Variants in MGAM observed in about 807,000 individuals in gnomAD.
MGAM encodes maltase-glucoamylase.
Under a neutral mutation model 358.8 loss-of-function variants are expected in MGAM, and 253 were observed. That is an observed-to-expected ratio of 0.71 (90% CI 0.64 to 0.78). The LOEUF is 0.78. Among genes scored for constraint, MGAM ranks in the 30% least tolerant of loss-of-function variants. The pLI is 0.00. For synonymous variants in MGAM, 1,105 were observed against 1,227.1 expected (o/e 0.90, Z 2.08); for missense variants, 3,080 against 3,432.6 (o/e 0.90, Z 2.57).
At chr7:142,010,265 T>C (rs1268012948) in intron 3 of MGAM, among the ~76,000 whole-genome samples, 1 of 152,114 alleles carries the variant, frequency 6.6e-6, no homozygotes, top group Non-Finnish European at 1.5e-5. Flanking sequence ...TAACTCTAGT[T>C]CGGATCTTTA....
At chr7:142,048,370 G>A (rs562513047) in intron 22 of MGAM, among the ~76,000 whole-genome samples, 194 of 151,664 alleles carry the variant, frequency 1.3e-3, no homozygotes, top group African/African-American at 4.3e-3. Context: ...GGATGATCTC[G>A]ATCTCCTAAA....
In MGAM at chr7:142,023,438, T is replaced by C. The variant is rs568005117; in HGVS notation, c.882+999T>C. On this transcript the variant is annotated intron_variant, in intron 7 of 70. Coordinates refer to ENST00000475668, the MANE Select transcript of MGAM (RefSeq NM_001365693.1). ...AGCAATAATTTATTAGTCATATATA[T>C]ATATATATACACACACACACACATA... is the stretch of plus-strand genomic sequence containing the variant. 1.3e-4 allele frequency among the ~76,000 whole-genome samples: 19 copies of C among 151,920 alleles called. No individual in the cohort carries two copies. The South Asian group carries it at 3.9e-3, about 32-fold the overall frequency.
chr7:142,038,185 G>A (rs189579771), intron 18 of MGAM, among the ~76,000 whole-genome samples: 4 of 152,168 alleles, frequency 2.6e-5, no homozygotes, highest in Non-Finnish European at 4.4e-5. Context: ...TTCATGTAAC[G>A]TAATGATCTC....
At chr7:142,053,570 T>C (rs1811221685) in intron 26 of MGAM, among the ~76,000 whole-genome samples, 1 of 152,176 alleles carries the variant, frequency 6.6e-6, no homozygotes, top group Non-Finnish European at 1.5e-5. Flanking sequence ...CTTTCCAGAA[T>C]TTAATTGCAT....
Position 142,080,864 on chromosome 7 carries a change from C to G in MGAM, c.5921C>G (p.Pro1974Arg). The change falls in exon 50 of 71, where the codon CCT (proline) becomes CGT (arginine). Residue 1974 changes from proline to arginine, a missense_variant. Transcript: ENST00000475668. ...LNIPSVPSST[P>R]EGQLYDVLIK... ...ATACCCAGCGTGCCATCCAGCACCC[C>G]TGAGGGTCAACTCTATGATGTCCTC... The G allele has an allele frequency of 6.4e-7, 1 of 1,556,630 alleles. No homozygotes were observed. The highest frequency in any genetic ancestry group is 8.8e-7 in the Non-Finnish European group (1 of 1,132,604).
At chr7:142,094,968 T>C in intron 63 of MGAM, 105 bp downstream of exon 63, 1 of 1,235,982 alleles carries the variant, frequency 8.1e-7, no homozygotes, top group South Asian at 1.5e-5. Flanking sequence ...TTAAAATTTT[T>C]TTTTTTTTTC....
chr7:141,990,659 T>C (rs1803906141), intron 2 of MGAM, among the ~76,000 whole-genome samples: 1 of 152,098 alleles, frequency 6.6e-6, no homozygotes, highest in African/African-American at 2.4e-5. Context: ...GTTATTTCTT[T>C]TTTTTTATGT....
intron 19 of MGAM, among the ~76,000 whole-genome samples, chr7:142,039,361 A>G (rs1490937405): frequency 2.6e-5 from 4 of 151,922 alleles, no homozygotes; most frequent in Non-Finnish European, 5.9e-5. Flanking sequence ...CTCAGCCTCC[A>G]AAGTGCTGAG....
rs190538946 is a variant in MGAM, at chr7:142,087,090, T to C, written c.6810+373T>C. Among the ~76,000 whole-genome samples the C allele has an allele frequency of 5.7e-3, 784 of 138,350 alleles. 28 individuals are homozygous for C. Among genetic ancestry groups the C allele is most frequent in the South Asian group, 0.017 (74 of 4,244 alleles). The allele number at this position is 138,350 out of a possible 152,430, so 90.8% of individuals were successfully genotyped here. A position where few individuals can be genotyped will look rare whatever the true frequency, so the allele number is the denominator to read the frequency against. ...TTCTCTGAACTGGTATACTTAACTG[T>C]TGTTGCCTTGGTTATCCCTTTTAAA... On this transcript the variant is annotated intron_variant, in intron 57 of 70. Transcript: ENST00000475668.
intron 8 of MGAM, 79 bp from the exon 9 acceptor site, chr7:142,027,036 C>T: frequency 9.4e-7 from 1 of 1,062,426 alleles, no homozygotes; most frequent in Non-Finnish European, 1.5e-6. Context: ...GGTTAGTGAT[C>T]CTGTGTTATT....
intron 1 of MGAM, among the ~76,000 whole-genome samples, chr7:141,998,315 C>T (rs782338076): frequency 6.6e-5 from 10 of 152,030 alleles, no homozygotes; most frequent in Non-Finnish European, 1.0e-4. Context: ...GGTATACATG[C>T]GCCATGGTGG....
intron 2 of MGAM, among the ~76,000 whole-genome samples, chr7:141,988,915 C>T (rs995412351): frequency 1.3e-4 from 20 of 152,208 alleles, no homozygotes; most frequent in African/African-American, 4.8e-4. Flanking sequence ...CCAACTAACT[C>T]CTTTTTGCCC....
intron 34 of MGAM, among the ~76,000 whole-genome samples, chr7:142,062,316 T>C (rs1359288278): frequency 6.6e-6 from 1 of 152,220 alleles, no homozygotes; most frequent in Non-Finnish European, 1.5e-5. Context: ...GGTCATTGAT[T>C]GTCATCATCC....
rs1324902772 is a variant in MGAM at position 142,103,312 on chromosome 7, G to A, written c.8057G>A (p.Gly2686Asp). ...ATAATTTTCAACAATTACATCACTG[G>A]TACAAATCCTTTGAAACTGGGCTAC... The part of the protein sequence containing the change: ...SHIIFNNYIT[G>D]TNPLKLGYIE... The change falls in exon 70 of 71, where the codon GGT (glycine) becomes GAT (aspartate). Residue 2686 changes from glycine (G) to aspartate (D), a missense_variant. Physicochemically the swap from Gly to Asp is moderately conservative, Grantham distance 94. Around this residue, in one of 5 missense-constraint regions of MGAM, gnomAD observed 194 missense variants for 172.8 expected, o/e 1.12. Coordinates refer to ENST00000475668, the MANE Select transcript of MGAM (RefSeq NM_001365693.1). The A allele has an allele frequency of 1.2e-6, 2 of 1,612,624 alleles. No individual in the cohort carries two copies. Among genetic ancestry groups the A allele is most frequent in the Non-Finnish European group, 1.7e-6 (2 of 1,179,378 alleles).
chr7:142,001,771 G>A (rs1804758778), intron 1 of MGAM, among the ~76,000 whole-genome samples: 8 of 152,132 alleles, frequency 5.3e-5, no homozygotes, highest in Admixed American at 5.2e-4. Context: ...AGTCGGGTGT[G>A]GTGACACACT....
At position 142,008,687 on chromosome 7, in the gene MGAM, T is replaced by A; in HGVS notation, c.309T>A (p.Pro103=). 3 of 1,612,924 alleles carry A rather than the reference T, an allele frequency of 1.9e-6. No homozygotes were observed. Among genetic ancestry groups the A allele is most frequent in the Non-Finnish European group, 2.5e-6 (3 of 1,179,384 alleles). Residue 103 remains proline, a synonymous_variant, in exon 3 of 71, where the codon CCT becomes CCA. Coordinates refer to ENST00000475668, the MANE Select transcript of MGAM (RefSeq NM_001365693.1). ...AATTGGAACGAATTAATTGCATCCC[T>A]GACCAGCCGCCAACAAAGGTTTGAG... The part of the protein sequence containing the change: ...VNELERINCI[P]DQPPTKATCD...
At chr7:142,097,678 C>T (rs748737644) in intron 66 of MGAM, 29 bp downstream of exon 66, 13 of 1,577,272 alleles carry the variant, frequency 8.2e-6, no homozygotes, top group South Asian at 5.5e-5. Flanking sequence ...TTATACAACA[C>T]GGGAAAATGG....
intron 2 of MGAM, among the ~76,000 whole-genome samples, chr7:141,988,502 T>A (rs782529279): frequency 5.3e-5 from 8 of 151,994 alleles, no homozygotes; most frequent in African/African-American, 1.4e-4. Context: ...GTAGCTGAGA[T>A]AACAGGCGCC....
intron 54 of MGAM, 81 bp downstream of exon 54, chr7:142,084,725 G>T (rs1814607859): frequency 6.8e-7 from 1 of 1,473,114 alleles, no homozygotes; most frequent in Non-Finnish European, 9.3e-7. Flanking sequence ...TAATGTTTGT[G>T]AGATTCTATA....
Sources: allele counts gnomAD v4.1 joint callset (sites outside exome capture counted in the v4.1 genomes callset), GRCh38; gene constraint gnomAD v4.1.1; regional missense constraint gnomAD v4.1.1; transcripts MANE v1.5; gene names NCBI Gene and HGNC (gene_info 2026-07-23, HGNC 2026-07-21).